Variants in VAC14 observed in about 807,000 individuals in gnomAD.
VAC14 encodes the protein VAC14 component of PIKFYVE complex.
A neutral mutation model predicts 85.3 loss-of-function variants in VAC14; 47 were observed. That is an observed-to-expected ratio of 0.55 (90% CI 0.44 to 0.70). The LOEUF is 0.70. VAC14 is among the 30% of genes least tolerant of loss of function. The pLI is 0.00. For synonymous variants in VAC14, 447 were observed against 430.5 expected (o/e 1.04, Z -0.47); for missense variants, 861 against 1,004.3 (o/e 0.86, Z 1.93).
At chr16:70,765,230 C>A (rs2032714599) in intron 10 of VAC14, among the ~76,000 whole-genome samples, 2 of 152,166 alleles carry the variant, frequency 1.3e-5, no homozygotes, top group South Asian at 4.1e-4. Flanking sequence ...ATCACTGTGA[C>A]AAGCTTGGCT....
At chr16:70,691,597 A>T in intron 18 of VAC14, 1 of 985,368 alleles carries the variant, frequency 1.0e-6, no homozygotes, top group Non-Finnish European at 1.2e-6. Flanking sequence ...ACCTGGCAGC[A>T]CCCTGAGCAG....
intron 14 of VAC14, among the ~76,000 whole-genome samples, chr16:70,709,081 C>T (rs1287160951): frequency 6.6e-6 from 1 of 152,234 alleles, no homozygotes; most frequent in African/African-American, 2.4e-5. Flanking sequence ...TCACCATTTC[C>T]TTCCTAATCC....
chr16:70,783,155 G>C lies in VAC14; in HGVS notation c.705-16C>G, dbSNP rs1301475927. 10 of 1,611,310 alleles carry C rather than the reference G, an allele frequency of 6.2e-6. No individual in the cohort carries two copies. In the African/African-American group the frequency reaches 9.3e-5, roughly 15 times the overall value. On this transcript the variant is annotated splice_polypyrimidine_tract_variant and intron_variant, in intron 6 of 18. Transcript: ENST00000261776. ...AACCTCACACCTATGAACAAGAACA[G>C]GAAAGTGGAAACAGCGAGGGTCAGC...
chr16:70,784,094 G>A lies in VAC14; in HGVS notation c.594+19C>T. 1 of 1,605,112 alleles carries A rather than the reference G, an allele frequency of 6.2e-7. No homozygotes were observed. The highest frequency in any genetic ancestry group is 8.5e-7 in the Non-Finnish European group (1 of 1,171,772). On this transcript the variant is annotated intron_variant, in intron 5 of 18. Transcript: ENST00000261776. ...TTCCAAACTGGAGGCTGGAGAAACG[G>A]TGTCCGGCCAGGCCTTACCCAGGAG... is the stretch of plus-strand genomic sequence containing the variant.
rs2098096731 is a variant in VAC14, at chr16:70,786,238, C to T, written c.232G>A (p.Ala78Thr). 6.2e-7 allele frequency: 1 copy of T among 1,614,178 alleles called. No homozygotes were observed. The highest frequency in any genetic ancestry group is 8.5e-7 in the Non-Finnish European group (1 of 1,180,026). The change falls in exon 2 of 19, where the codon GCC (alanine) becomes ACC (threonine). Residue 78 changes from alanine (A) to threonine (T), a missense_variant. Physicochemically the swap from Ala to Thr is moderately conservative, Grantham distance 58. Coordinates refer to ENST00000261776, the MANE Select transcript of VAC14 (RefSeq NM_018052.5). ...ACCTTGCCCAGTGCGATGGAGCAGG[C>T]GGCCAGGCCGATGAGGCCCCCTTTC... ...SRKGGLIGLA[A>T]CSIALGKDSG...
intron 10 of VAC14, among the ~76,000 whole-genome samples, chr16:70,766,758 G>C (rs1164537834): frequency 1.3e-5 from 2 of 152,162 alleles, no homozygotes; most frequent in Non-Finnish European, 2.9e-5. Flanking sequence ...ACTGATCTTA[G>C]TGCCTAGGAA....
intron 9 of VAC14, among the ~76,000 whole-genome samples, chr16:70,773,641 T>C (rs903329533): frequency 1.3e-5 from 2 of 152,182 alleles, no homozygotes; most frequent in African/African-American, 4.8e-5. Flanking sequence ...TACTAATTTT[T>C]TGTAGTTGTG....
intron 18 of VAC14, chr16:70,688,496 C>G (rs539645468): frequency 1.0e-4 from 101 of 989,184 alleles, no homozygotes; most frequent in Non-Finnish European, 1.1e-4. Context: ...TTGGCCCTTT[C>G]TCTGAGAGGC....
At chr16:70,766,080 T>G (rs1461666239) in intron 10 of VAC14, among the ~76,000 whole-genome samples, 2 of 150,794 alleles carry the variant, frequency 1.3e-5, no homozygotes, top group Non-Finnish European at 2.9e-5. Context: ...CTCCCAGCTG[T>G]CAGCTCACCT....
At chr16:70,739,020 G>T (rs2029990779) in intron 13 of VAC14, among the ~76,000 whole-genome samples, 1 of 152,230 alleles carries the variant, frequency 6.6e-6, no homozygotes, top group African/African-American at 2.4e-5. Flanking sequence ...CTCCAGGGAA[G>T]CCTCCCACAG....
intron 17 of VAC14, 94 bp from the exon 18 acceptor site, chr16:70,693,065 G>T: frequency 6.8e-7 from 1 of 1,466,844 alleles, no homozygotes; most frequent in Non-Finnish European, 9.1e-7. Context: ...AGGACCACCT[G>T]GGACTTGGTG....
intron 13 of VAC14, among the ~76,000 whole-genome samples, chr16:70,732,485 G>A (rs972172843): frequency 6.6e-6 from 1 of 152,112 alleles, no homozygotes; most frequent in Non-Finnish European, 1.5e-5. Flanking sequence ...ACAAGGGAAA[G>A]GCTGATGGAA....
intron 12 of VAC14, among the ~76,000 whole-genome samples, chr16:70,745,823 A>ACCCC (rs555979095): frequency 0.011 from 1,228 of 107,492 alleles, 7 homozygotes; most frequent in Non-Finnish European, 0.017. Flanking sequence ...AACGACGGCA[A>ACCCC]CCGGGGCTTC....
At chr16:70,788,219 C>G (rs182233979) in intron 1 of VAC14, among the ~76,000 whole-genome samples, 1 of 152,230 alleles carries the variant, frequency 6.6e-6, no homozygotes. Context: ...CGGTGCTGTC[C>G]TGTGAGACAG....
At chr16:70,790,123 T>C (rs540756510) in intron 1 of VAC14, among the ~76,000 whole-genome samples, 39 of 152,172 alleles carry the variant, frequency 2.6e-4, no homozygotes, top group Admixed American at 2.6e-3. Flanking sequence ...TAAGGAATAC[T>C]GTGCAAACAG....
At chr16:70,781,632 C>A (rs1362038206) in intron 8 of VAC14, among the ~76,000 whole-genome samples, 1 of 152,142 alleles carries the variant, frequency 6.6e-6, no homozygotes, top group East Asian at 1.9e-4. Flanking sequence ...CTTTGGGGCC[C>A]CAGAGAGCTG....
intron 3 of VAC14, 30 bp from the exon 4 acceptor site, chr16:70,784,868 C>G (rs372847156): frequency 1.2e-6 from 2 of 1,606,630 alleles, no homozygotes; most frequent in Admixed American, 1.7e-5. Context: ...GGGAGGGACA[C>G]AGAGGCGAGG....
chr16:70,709,432 G>A (rs544436263), intron 14 of VAC14, among the ~76,000 whole-genome samples: 11 of 152,268 alleles, frequency 7.2e-5, no homozygotes, highest in Admixed American at 2.6e-4. Context: ...CTGTGGCTCC[G>A]GGGCAGCATA....
intron 14 of VAC14, among the ~76,000 whole-genome samples, chr16:70,727,267 C>T (rs2054456244): frequency 2.0e-5 from 3 of 152,232 alleles, no homozygotes. Flanking sequence ...AATCATTGTG[C>T]TCCTCATCAG....
Sources: allele counts gnomAD v4.1 joint callset (sites outside exome capture counted in the v4.1 genomes callset), GRCh38; gene constraint gnomAD v4.1.1; transcripts MANE v1.5; gene names NCBI Gene and HGNC (gene_info 2026-07-23, HGNC 2026-07-21).